The following KIAA2012 variants were observed in gnomAD, a reference collection of about 807,000 sequenced individuals.
The protein encoded by KIAA2012 is uncharacterized protein KIAA2012.
Under a neutral mutation model 150.6 loss-of-function variants are expected in KIAA2012, and 125 were observed. The ratio of observed to expected loss-of-function variants is 0.83; its 90% confidence interval spans 0.72 to 0.96. KIAA2012 has a LOEUF of 0.96. Among genes scored for constraint, KIAA2012 ranks in the 40% least tolerant of loss-of-function variants. The probability of loss-of-function intolerance (pLI) is 0.00; values close to 1 mark genes in which losing one functional copy is unlikely to be tolerated. For missense variants in KIAA2012, 1,219 were observed against 1,354.9 expected (o/e 0.90, Z 1.57); for synonymous variants, 462 against 504.7 (o/e 0.92, Z 1.13).
rs181419081 is a variant in KIAA2012, at chr2:202,165,122, G to A, written c.2047-162G>A. Among the ~76,000 whole-genome samples the A allele has an allele frequency of 9.5e-4, 145 of 152,250 alleles. 1 individual carries two copies. The highest frequency in any genetic ancestry group is 3.4e-3 in the African/African-American group (143 of 41,538). On this transcript the variant is annotated intron_variant, in intron 14 of 23. Transcript: ENST00000498697. The stretch of plus-strand genomic sequence containing the variant: ...TCTTTAAGCCTGTTTAACACTAGTA[G>A]CAGCCTTCCTGGAGACTTAAGTAAA...
chr2:202,111,912 C>G (rs574145295), intron 10 of KIAA2012, among the ~76,000 whole-genome samples: 2 of 152,274 alleles, frequency 1.3e-5, no homozygotes, highest in East Asian at 1.9e-4. Context: ...AGCATCCACT[C>G]TAGCTGGTGG....
At chr2:202,153,504 C>A (rs1443048943) in intron 13 of KIAA2012, among the ~76,000 whole-genome samples, 1 of 152,218 alleles carries the variant, frequency 6.6e-6, no homozygotes, top group South Asian at 2.1e-4. Flanking sequence ...TGCAGATAGA[C>A]CTTAGAACCT....
chr2:202,152,820 T>C (rs1283541345), intron 13 of KIAA2012, among the ~76,000 whole-genome samples: 1 of 152,196 alleles, frequency 6.6e-6, no homozygotes, highest in Non-Finnish European at 1.5e-5. Flanking sequence ...GACTCACCAA[T>C]TGTTAATTCA....
rs1330675466 is a variant in KIAA2012, at chr2:202,125,299, A to G, written c.1831+17A>G. On this transcript the variant is annotated intron_variant, in intron 12 of 23. Transcript: ENST00000498697. ...TCCTAAAAGGTAAGCTTTTCCACTA[A>G]AAAGTCACCTCGACTTCTCTATGTA... 1 of 1,537,090 alleles carries G rather than the reference A, an allele frequency of 6.5e-7. No individual in the cohort carries two copies. The highest frequency in any genetic ancestry group is 1.2e-5 in the South Asian group (1 of 83,446).
chr2:202,168,274 C>A (rs1691812203), intron 15 of KIAA2012, among the ~76,000 whole-genome samples: 1 of 151,772 alleles, frequency 6.6e-6, no homozygotes, highest in Non-Finnish European at 1.5e-5. Context: ...CAAAAATTAG[C>A]CAGGTGTGGT....
chr2:202,144,933 A>T (rs188157700), intron 13 of KIAA2012, among the ~76,000 whole-genome samples: 1 of 152,346 alleles, frequency 6.6e-6, no homozygotes, highest in East Asian at 1.9e-4. Flanking sequence ...TGGAAGTTCA[A>T]CTGATATTTT....
intron 2 of KIAA2012, among the ~76,000 whole-genome samples, chr2:202,086,780 TC>T (rs893853164): frequency 2.0e-5 from 3 of 152,226 alleles, no homozygotes; most frequent in Admixed American, 6.5e-5. Context: ...TAGAGCGCTT[TC>T]CCAGGCTTTC....
chr2:202,150,023 G>C (rs4675268), intron 13 of KIAA2012, among the ~76,000 whole-genome samples: 131,550 of 152,244 alleles, frequency 0.86, 57,035 homozygotes, highest in African/African-American at 0.92. Context: ...TATTTGTACG[G>C]AACCAATAGC....
At chr2:202,105,642 G>C in intron 8 of KIAA2012, 119 bp from the exon 9 acceptor site, 1 of 1,321,502 alleles carries the variant, frequency 7.6e-7, no homozygotes, top group Non-Finnish European at 1.0e-6. Context: ...TCAGCAAATG[G>C]ACACTGCTCC....
At position 202,109,722 on chromosome 2, in the gene KIAA2012, A is replaced by G. The variant is rs1690296058; in HGVS notation, c.1584A>G (p.Ser528=). 1 of 1,550,422 alleles carries G rather than the reference A, an allele frequency of 6.4e-7. No homozygotes were observed. Among genetic ancestry groups the G allele is most frequent in the African/African-American group, 1.4e-5 (1 of 73,044 alleles). Residue 528 remains serine, a synonymous_variant, in exon 10 of 24, where the codon TCA becomes TCG. Transcript: ENST00000498697. ...AGGGCGTGGACAGCCCTAGGACATC[A>G]GACCACAACAGCCCCCCAAGTCTCC... ...SQKGVDSPRT[S]DHNSPPSLPN...
rs368068972 is a variant in KIAA2012, at chr2:202,161,236, A to G, written c.2047-4048A>G. ...AGCCACCGGAGAAAGCGCCTCTCACATGTTGGTTTCAATGCTGTAGTTTGT... is the reference window on the plus strand; with the variant it reads ...AGCCACCGGAGAAAGCGCCTCTCACGTGTTGGTTTCAATGCTGTAGTTTGT... On this transcript the variant is annotated intron_variant, in intron 14 of 23. Transcript: ENST00000498697. 7.6e-4 allele frequency among the ~76,000 whole-genome samples: 115 copies of G among 152,032 alleles called. 1 individual carries two copies. The highest frequency in any genetic ancestry group is 2.8e-3 in the African/African-American group (114 of 41,454).
chr2:202,167,683 AT>A (rs1291267246), intron 15 of KIAA2012, among the ~76,000 whole-genome samples: 1 of 151,492 alleles, frequency 6.6e-6, no homozygotes, highest in East Asian at 1.9e-4. Flanking sequence ...GCCTCTAAAA[AT>A]TTTTTTTTAA....
At chr2:202,084,949 C>T (rs1521883) in intron 2 of KIAA2012, among the ~76,000 whole-genome samples, 124,910 of 152,146 alleles carry the variant, frequency 0.82, 51,506 homozygotes, top group African/African-American at 0.86. Context: ...CATGACTATA[C>T]ACAGGATATG....
chr2:202,179,977 T>C, intron 15 of KIAA2012: 2 of 718,216 alleles, frequency 2.8e-6, no homozygotes, highest in East Asian at 4.4e-5. Flanking sequence ...TTAAGATTAC[T>C]TGGCTGCCAG....
At chr2:202,190,976 T>A (rs1042973223) in intron 19 of KIAA2012, among the ~76,000 whole-genome samples, 1 of 152,130 alleles carries the variant, frequency 6.6e-6, no homozygotes, top group East Asian at 1.9e-4. Flanking sequence ...CACATATACC[T>A]GCTTTTACAA....
chr2:202,136,114 T>G (rs1428689501), intron 12 of KIAA2012: 1 of 334,476 alleles, frequency 3.0e-6, no homozygotes, highest in South Asian at 2.5e-5. Flanking sequence ...GTGTTACAGT[T>G]CTTAAAGGTG....
chr2:202,076,955 T>C (rs1219951909), intron 2 of KIAA2012: 1 of 456,612 alleles, frequency 2.2e-6, no homozygotes, highest in African/African-American at 2.0e-5. Flanking sequence ...TGGGAGACGC[T>C]GGAAAGAGAT....
rs537578079 is a variant in KIAA2012 at position 202,190,949 on chromosome 2, G to C, written c.2811+456G>C. On this transcript the variant is annotated intron_variant, in intron 19 of 23. Coordinates refer to ENST00000498697, the MANE Select transcript of KIAA2012 (RefSeq NM_001277372.4). ...GTTTCTGCGGTATGCAGCTGGAATA[G>C]AGAGAGGCAGCCTGTACACATATAC... Among the ~76,000 whole-genome samples, 3 of 152,256 alleles carry C rather than the reference G, an allele frequency of 2.0e-5. No individual in the cohort carries two copies. The South Asian group carries it at 6.2e-4, about 32-fold the overall frequency.
At chr2:202,202,749 G>A (rs761808580) in intron 23 of KIAA2012, among the ~76,000 whole-genome samples, 162 bp downstream of exon 23, 17 of 151,838 alleles carry the variant, frequency 1.1e-4, no homozygotes, top group Non-Finnish European at 2.2e-4. Flanking sequence ...GCAACATAGT[G>A]GAAACCTCAT....
Sources: gnomAD v4.1 joint callset for allele counts (sites outside exome capture counted in the v4.1 genomes callset) on GRCh38, gnomAD v4.1.1 for gene constraint, MANE v1.5 for transcripts, NCBI Gene and HGNC (gene_info 2026-07-23, HGNC 2026-07-21) for gene names.